SUGCT: variants seen among roughly 807,000 people sequenced by gnomAD.
SUGCT encodes the protein succinyl-CoA:glutarate-CoA transferase, also known as succinyl-CoA:glutarate CoA-transferase.
A neutral mutation model predicts 55.0 loss-of-function variants in SUGCT; 41 were observed. That is an observed-to-expected ratio of 0.74 (90% CI 0.58 to 0.97). The LOEUF is 0.97. Among genes scored for constraint, SUGCT ranks in the 50% least tolerant of loss-of-function variants. SUGCT has a pLI of 0.00. For missense variants in SUGCT, 568 were observed against 547.8 expected, an observed-to-expected ratio of 1.04 and a Z score of -0.37; for synonymous variants, 187 against 200.4, an observed-to-expected ratio of 0.93 and a Z score of 0.56.
chr7:40,728,876 T>C (rs1231556990), intron 12 of SUGCT, among the ~76,000 whole-genome samples: 1 of 152,142 alleles, frequency 6.6e-6, no homozygotes, highest in East Asian at 1.9e-4. Flanking sequence ...GCAATAACAA[T>C]AATCTCAGCT....
At chr7:40,339,504 T>C (rs1476013341) in intron 9 of SUGCT, among the ~76,000 whole-genome samples, 1 of 152,170 alleles carries the variant, frequency 6.6e-6, no homozygotes, top group Non-Finnish European at 1.5e-5. Flanking sequence ...ACCGCTGTGC[T>C]AGCAATGAGT....
At chr7:40,900,788 T>C in the SUGCT span, among the ~76,000 whole-genome samples, 1 of 152,226 alleles carries the variant, frequency 6.6e-6, no homozygotes, top group Non-Finnish European at 1.5e-5. Context: ...TGGGCTGCAG[T>C]GAAAGGGAAA....
chr7:40,964,008 C>T, the SUGCT span, among the ~76,000 whole-genome samples: 1 of 152,184 alleles, frequency 6.6e-6, no homozygotes, highest in Non-Finnish European at 1.5e-5. Flanking sequence ...TGATGTCCCC[C>T]AGCCCGGTGA....
intron 12 of SUGCT, among the ~76,000 whole-genome samples, chr7:40,521,652 G>GT (rs1210591803): frequency 6.6e-6 from 1 of 151,884 alleles, no homozygotes; most frequent in Non-Finnish European, 1.5e-5. Flanking sequence ...ATATCTCTTC[G>GT]TTTTTTTCTC....
At chr7:40,807,222 T>C (rs1791149330) in intron 13 of SUGCT, among the ~76,000 whole-genome samples, 1 of 152,210 alleles carries the variant, frequency 6.6e-6, no homozygotes, top group African/African-American at 2.4e-5. Context: ...TATATTATTT[T>C]TTTATTTTTA....
chr7:40,913,072 G>A, the SUGCT span, among the ~76,000 whole-genome samples: 34 of 148,720 alleles, frequency 2.3e-4, no homozygotes, highest in Middle Eastern at 3.4e-3. Flanking sequence ...GTGCAGTGGC[G>A]CGATCTTGGC....
At chr7:40,931,689 G>T in the SUGCT span, among the ~76,000 whole-genome samples, 3 of 152,124 alleles carry the variant, frequency 2.0e-5, no homozygotes, top group African/African-American at 7.2e-5. Flanking sequence ...ATTTCTTCTA[G>T]ATTTTCTAGT....
intron 7 of SUGCT, among the ~76,000 whole-genome samples, chr7:40,257,170 G>A (rs1391286740): frequency 2.0e-5 from 3 of 152,058 alleles, no homozygotes; most frequent in South Asian, 2.1e-4. Flanking sequence ...TCAGCCTCCC[G>A]AGTAGCTGAA....
rs138984553 is a variant in SUGCT at position 40,440,145 on chromosome 7, G to GTTTTT, written c.817-9114_817-9110dup. ...TCAAGTTTTTTGTCTGTGTGTGTGTGTTTTTTTTTTTTTTTTTTTTTTTTT... is the reference window on the plus strand; with the variant it reads ...TCAAGTTTTTTGTCTGTGTGTGTGTGTTTTTTTTTTTTTTTTTTTTTTTTTTTTTT... On this transcript the variant is annotated intron_variant, in intron 9 of 13. Transcript: ENST00000335693. 1.6e-3 allele frequency among the ~76,000 whole-genome samples: 111 copies of GTTTTT among 68,444 alleles called. 8 individuals carry two copies. Among genetic ancestry groups the GTTTTT allele is most frequent in the African/African-American group, 6.3e-3 (94 of 14,920 alleles). 44.9% of individuals were successfully genotyped at this position (68,444 alleles called of 152,430 possible).
intron 12 of SUGCT, among the ~76,000 whole-genome samples, chr7:40,689,702 C>T (rs893221303): frequency 1.3e-5 from 2 of 150,346 alleles, no homozygotes; most frequent in South Asian, 2.1e-4. Flanking sequence ...TTTGCTCCAA[C>T]TCAAATTCTT....
At chr7:40,163,764 A>G (rs1421087129) in intron 1 of SUGCT, among the ~76,000 whole-genome samples, 3 of 152,156 alleles carry the variant, frequency 2.0e-5, no homozygotes, top group South Asian at 4.2e-4. Context: ...TGACGAAAAA[A>G]TGAGTGATTT....
At position 40,771,017 on chromosome 7, in the gene SUGCT, C is replaced by G. The variant is rs532078716; in HGVS notation, c.1153+21520C>G. The stretch of plus-strand genomic sequence containing the variant: ...ATTAACCCTGAAAAATTTCCAGATG[C>G]CAATGTCTCTAAAATTTTGAAATAT... On this transcript the variant is annotated intron_variant, in intron 13 of 13. Coordinates refer to ENST00000335693, the MANE Select transcript of SUGCT (RefSeq NM_001193313.2). Among the ~76,000 whole-genome samples, 616 of 152,144 alleles carry G rather than the reference C, an allele frequency of 4.0e-3. 3 individuals carry two copies. The highest frequency in any genetic ancestry group is 6.8e-3 in the Middle Eastern group (2 of 294).
intron 1 of SUGCT, among the ~76,000 whole-genome samples, chr7:40,148,709 A>G (rs1350210547): frequency 6.6e-6 from 1 of 152,332 alleles, no homozygotes; most frequent in East Asian, 1.9e-4. Flanking sequence ...GAGGTTTATG[A>G]GCTCCTATAC....
intron 11 of SUGCT, among the ~76,000 whole-genome samples, chr7:40,485,346 A>G (rs1791270786): frequency 1.3e-5 from 2 of 150,654 alleles, no homozygotes; most frequent in South Asian, 2.1e-4. Context: ...AAACAATGGA[A>G]TTTTATTTTC....
the SUGCT span, among the ~76,000 whole-genome samples, chr7:40,876,679 C>T: frequency 3.1e-4 from 47 of 152,278 alleles, no homozygotes; most frequent in African/African-American, 1.1e-3. Context: ...ATCAGAGGCT[C>T]TCCAAATTCT....
At chr7:40,657,598 A>T (rs1481163475) in intron 12 of SUGCT, among the ~76,000 whole-genome samples, 1 of 151,860 alleles carries the variant, frequency 6.6e-6, no homozygotes, top group Non-Finnish European at 1.5e-5. Context: ...GCAATGGCGC[A>T]GTCTCGGCTC....
chr7:40,633,268 A>G (rs1275602266), intron 12 of SUGCT, among the ~76,000 whole-genome samples: 2 of 152,184 alleles, frequency 1.3e-5, no homozygotes, highest in Non-Finnish European at 2.9e-5. Flanking sequence ...AAAAGTGTCT[A>G]TATTTTTTTC....
intron 12 of SUGCT, among the ~76,000 whole-genome samples, chr7:40,736,901 C>A (rs1326919400): frequency 6.6e-6 from 1 of 151,954 alleles, no homozygotes; most frequent in Non-Finnish European, 1.5e-5. Flanking sequence ...AATATAGCCA[C>A]TAAAGGAAAG....
chr7:40,628,530 G>A (rs1395149231), intron 12 of SUGCT, among the ~76,000 whole-genome samples: 1 of 152,190 alleles, frequency 6.6e-6, no homozygotes, highest in African/African-American at 2.4e-5. Flanking sequence ...ACTCAGGAAC[G>A]CCTGCCATCT....
Sources: gnomAD v4.1 joint callset for allele counts (sites outside exome capture counted in the v4.1 genomes callset) on GRCh38, gnomAD v4.1.1 for gene constraint, MANE v1.5 for transcripts, NCBI Gene and HGNC (gene_info 2026-07-23, HGNC 2026-07-21) for gene names.